Variants in PDE11A observed in about 807,000 individuals in gnomAD.
PDE11A encodes phosphodiesterase 11A.
PDE11A carries 100 observed loss-of-function variants against 100.5 expected under a neutral mutation model. The ratio of observed to expected loss-of-function variants is 1.00; its 90% confidence interval spans 0.85 to 1.18. PDE11A has a LOEUF of 1.18. Among genes scored for constraint, PDE11A ranks in the 50% most tolerant of loss-of-function variants. PDE11A has a pLI of 0.00. For synonymous variants in PDE11A, 381 were observed against 420.8 expected, an observed-to-expected ratio of 0.91 and a Z score of 1.16; for missense variants, 1,141 against 1,152.6, an observed-to-expected ratio of 0.99 and a Z score of 0.15.
At chr2:177,995,654 C>T (rs561169825) in intron 2 of PDE11A, among the ~76,000 whole-genome samples, 3 of 151,508 alleles carry the variant, frequency 2.0e-5, no homozygotes, top group East Asian at 1.9e-4. Flanking sequence ...CCACCCACCC[C>T]GCATCTGCTG....
At chr2:177,855,903 AACACACACACACACAC>A (rs57202805) in intron 5 of PDE11A, among the ~76,000 whole-genome samples, 2,208 of 139,658 alleles carry the variant, frequency 0.016, 26 homozygotes, top group Middle Eastern at 0.068. Context: ...GAACGTATGC[AACACACACACACACAC>A]ACACACACAC....
At chr2:178,053,878 A>G (rs2086862645) in intron 1 of PDE11A, among the ~76,000 whole-genome samples, 1 of 152,174 alleles carries the variant, frequency 6.6e-6, no homozygotes, top group Non-Finnish European at 1.5e-5. Context: ...AAACAAGTGG[A>G]AAAAAATTCC....
At chr2:178,074,167 G>A (rs2087174724), upstream of PDE11A, among the ~76,000 whole-genome samples, 1 of 151,950 alleles carries the variant, frequency 6.6e-6, no homozygotes, top group Non-Finnish European at 1.5e-5. Context: ...GAAATGTCCA[G>A]AATAGGCAAA....
intron 10 of PDE11A, among the ~76,000 whole-genome samples, chr2:177,741,199 G>A (rs2081866419): frequency 6.6e-6 from 1 of 152,188 alleles, no homozygotes; most frequent in African/African-American, 2.4e-5. Flanking sequence ...GCAAGGTATT[G>A]GCAGGTTTGG....
intron 2 of PDE11A, among the ~76,000 whole-genome samples, chr2:177,931,585 A>G (rs956482778): frequency 1.3e-5 from 2 of 152,206 alleles, no homozygotes; most frequent in Non-Finnish European, 2.9e-5. Context: ...AGAAATAAAA[A>G]TAAATCTTTG....
At chr2:177,758,407 G>A (rs2082123128) in intron 10 of PDE11A, among the ~76,000 whole-genome samples, 1 of 151,706 alleles carries the variant, frequency 6.6e-6, no homozygotes, top group Admixed American at 6.6e-5. Context: ...TAGATGTTCT[G>A]ATATCTGGCT....
chr2:177,918,846 T>C (rs1423411549), intron 2 of PDE11A, among the ~76,000 whole-genome samples: 1 of 152,156 alleles, frequency 6.6e-6, no homozygotes, highest in African/African-American at 2.4e-5. Flanking sequence ...TGTAAAAGAC[T>C]CATTCTCAGA....
chr2:178,004,489 T>C (rs1194543216), intron 2 of PDE11A, among the ~76,000 whole-genome samples: 1 of 152,178 alleles, frequency 6.6e-6, no homozygotes, highest in Non-Finnish European at 1.5e-5. Flanking sequence ...CCGTTATCCA[T>C]CTTAATTTGA....
intron 3 of PDE11A, among the ~76,000 whole-genome samples, chr2:177,902,270 C>T (rs192166533): frequency 6.6e-6 from 1 of 151,728 alleles, no homozygotes; most frequent in East Asian, 1.9e-4. Context: ...GTAATATTCT[C>T]CCCCGCCCTT....
chr2:177,770,503 G>A (rs769115179), intron 9 of PDE11A, among the ~76,000 whole-genome samples: 13 of 152,196 alleles, frequency 8.5e-5, no homozygotes, highest in Non-Finnish European at 1.8e-4. Flanking sequence ...TTTATGACAC[G>A]GCCTTGGTCA....
chr2:177,729,973 T>A (rs2081657996), intron 10 of PDE11A, among the ~76,000 whole-genome samples: 2 of 152,142 alleles, frequency 1.3e-5, no homozygotes, highest in Admixed American at 1.3e-4. Flanking sequence ...ATTATTAAGA[T>A]GACATCTTAA....
At chr2:177,742,169 A>T (rs375440527) in intron 10 of PDE11A, among the ~76,000 whole-genome samples, 22 of 152,080 alleles carry the variant, frequency 1.4e-4, no homozygotes, top group African/African-American at 4.6e-4. Flanking sequence ...CCAGTCCAAT[A>T]ATCTTGTTGA....
intron 16 of PDE11A, chr2:177,675,868 CAAGAGAAT>C: frequency 2.6e-6 from 1 of 386,864 alleles, no homozygotes; most frequent in Admixed American, 3.6e-5. Context: ...AAACTATAAG[CAAGAGAAT>C]CAGTATATAA....
At chr2:177,804,711 T>TTATA (rs3031403) in intron 9 of PDE11A, among the ~76,000 whole-genome samples, 4,164 of 151,318 alleles carry the variant, frequency 0.028, 175 homozygotes, top group African/African-American at 0.095. Context: ...AAAGAAAATG[T>TTATA]TATATATATA....
At chr2:177,673,937 A>T (rs2080726113) in intron 17 of PDE11A, among the ~76,000 whole-genome samples, 1 of 152,198 alleles carries the variant, frequency 6.6e-6, no homozygotes. Flanking sequence ...CTTCAGCCCC[A>T]ATACAGAATA....
At chr2:177,672,404 AC>A in intron 17 of PDE11A, among the ~76,000 whole-genome samples, 1 of 152,314 alleles carries the variant, frequency 6.6e-6, no homozygotes, top group Middle Eastern at 3.4e-3. Context: ...TTGTTACTGA[AC>A]CAAGGCCTAG....
intron 2 of PDE11A, among the ~76,000 whole-genome samples, chr2:177,961,319 C>T (rs368250179): frequency 2.0e-5 from 3 of 152,072 alleles, no homozygotes; most frequent in East Asian, 1.9e-4. Flanking sequence ...CTTCTCTCTG[C>T]CCAGTCTCAA....
chr2:178,005,994 C>G (rs1315706074), intron 2 of PDE11A, among the ~76,000 whole-genome samples: 2 of 152,094 alleles, frequency 1.3e-5, no homozygotes, highest in African/African-American at 4.8e-5. Flanking sequence ...AGTATATTAG[C>G]CATCAAGAAG....
At chr2:178,087,285 A>G (rs1276213297) in intron 2 of PDE11A, among the ~76,000 whole-genome samples, 1 of 151,856 alleles carries the variant, frequency 6.6e-6, no homozygotes. Flanking sequence ...CCTGGGAGGC[A>G]GAGGTTGCAG....
Sources: gnomAD v4.1 joint callset for allele counts (sites outside exome capture counted in the v4.1 genomes callset) on GRCh38, gnomAD v4.1.1 for gene constraint, MANE v1.5 for transcripts, NCBI Gene and HGNC (gene_info 2026-07-23, HGNC 2026-07-21) for gene names.